SLC25A28: variants seen among roughly 807,000 people sequenced by gnomAD.
SLC25A28 encodes mitoferrin-2.
SLC25A28 carries 10 observed loss-of-function variants against 31.9 expected under a neutral mutation model. The ratio of observed to expected loss-of-function variants is 0.31; its 90% CI spans 0.19 to 0.53. SLC25A28 has a LOEUF of 0.53. Ranked by LOEUF, SLC25A28 falls within the 20% of genes least tolerant of loss-of-function variation. SLC25A28 has a pLI of 0.95. For missense variants in SLC25A28, 256 were observed against 490.3 expected, an observed-to-expected ratio of 0.52 and a Z score of 4.51; for synonymous variants, 208 against 203.6, an observed-to-expected ratio of 1.02 and a Z score of -0.19.
At chr10:99,615,884 T>C in intron 1 of SLC25A28, 2 of 985,456 alleles carry the variant, frequency 2.0e-6, no homozygotes, top group Non-Finnish European at 2.4e-6. Flanking sequence ...GGCTACCAAT[T>C]CTGAACGGTT....
At chr10:99,655,827 G>T in the SLC25A28 span, among the ~76,000 whole-genome samples, 1 of 152,160 alleles carries the variant, frequency 6.6e-6, no homozygotes, top group African/African-American at 2.4e-5. Context: ...TGGGACTGAG[G>T]TTGGAGCCTA....
the SLC25A28 span, among the ~76,000 whole-genome samples, chr10:99,646,658 A>T: frequency 6.6e-6 from 1 of 152,164 alleles, no homozygotes; most frequent in East Asian, 1.9e-4. Context: ...GCTGTAGACT[A>T]GAGCTGTTCC....
chr10:99,630,219 C>T, the SLC25A28 span, among the ~76,000 whole-genome samples: 8 of 152,258 alleles, frequency 5.3e-5, no homozygotes, highest in Non-Finnish European at 7.4e-5. Flanking sequence ...AACTCTGCCT[C>T]CTGGGTTCAA....
chr10:99,632,313 T>C, the SLC25A28 span, among the ~76,000 whole-genome samples: 2 of 152,204 alleles, frequency 1.3e-5, no homozygotes, highest in African/African-American at 4.8e-5. Context: ...TGTAGGTTAT[T>C]TGCAAATACT....
chr10:99,615,283 G>A (rs1378699060), intron 1 of SLC25A28, among the ~76,000 whole-genome samples: 2 of 151,704 alleles, frequency 1.3e-5, no homozygotes, highest in East Asian at 1.9e-4. Flanking sequence ...CCTGTGAGGC[G>A]GAGGTTGTAG....
chr10:99,636,195 T>G, the SLC25A28 span, among the ~76,000 whole-genome samples: 25 of 152,328 alleles, frequency 1.6e-4, no homozygotes, highest in African/African-American at 6.0e-4. Context: ...CACATGGAAC[T>G]TTCTGTAAGA....
At chr10:99,615,960 C>T in intron 1 of SLC25A28, 1 of 985,392 alleles carries the variant, frequency 1.0e-6, no homozygotes, top group Non-Finnish European at 1.2e-6. Flanking sequence ...CTACTTTGAA[C>T]ATTCTATATA....
chr10:99,644,589 C>A, the SLC25A28 span, among the ~76,000 whole-genome samples: 1 of 152,150 alleles, frequency 6.6e-6, no homozygotes, highest in Non-Finnish European at 1.5e-5. Flanking sequence ...GAATTTGATC[C>A]TGTCATTATG....
At chr10:99,617,199 T>C (rs971540880) in intron 1 of SLC25A28, 1 of 985,332 alleles carries the variant, frequency 1.0e-6, no homozygotes, top group African/African-American at 1.7e-5. Context: ...TCCCCATAGA[T>C]AAAGTCTGGC....
At chr10:99,617,152 T>A in intron 1 of SLC25A28, 5 of 985,386 alleles carry the variant, frequency 5.1e-6, no homozygotes, top group Non-Finnish European at 6.0e-6. Flanking sequence ...GCCAGAGGAT[T>A]TTGAGAAGGG....
the SLC25A28 span, among the ~76,000 whole-genome samples, chr10:99,641,344 G>T: frequency 6.6e-6 from 1 of 152,142 alleles, no homozygotes; most frequent in Admixed American, 6.5e-5. Flanking sequence ...TCATGTGTCT[G>T]TTGGCTGCAT....
intron 1 of SLC25A28, chr10:99,617,493 G>A: frequency 1.1e-6 from 1 of 916,478 alleles, no homozygotes; most frequent in Admixed American, 1.2e-4. Context: ...TTAAAGACTG[G>A]GCTGCTTTTC....
chr10:99,627,922 C>T, the SLC25A28 span, among the ~76,000 whole-genome samples: 3 of 152,158 alleles, frequency 2.0e-5, no homozygotes, highest in African/African-American at 7.2e-5. Context: ...TCCTTCTACT[C>T]TCTATGTCCA....
At chr10:99,615,822 TA>T in intron 1 of SLC25A28, 6 of 985,384 alleles carry the variant, frequency 6.1e-6, no homozygotes, top group Non-Finnish European at 7.2e-6. Flanking sequence ...TGATCTTGTA[TA>T]AGGGGAATGT....
At chr10:99,634,142 G>C in the SLC25A28 span, among the ~76,000 whole-genome samples, 1 of 152,176 alleles carries the variant, frequency 6.6e-6, no homozygotes, top group African/African-American at 2.4e-5. Flanking sequence ...AAAAGAATTT[G>C]AACAACAGCC....
chr10:99,657,137 A>G, the SLC25A28 span, among the ~76,000 whole-genome samples: 1 of 152,216 alleles, frequency 6.6e-6, no homozygotes, highest in South Asian at 2.1e-4. Flanking sequence ...TTGAATTATA[A>G]GTTAATATAG....
the SLC25A28 span, among the ~76,000 whole-genome samples, chr10:99,632,893 T>C: frequency 6.6e-6 from 1 of 152,208 alleles, no homozygotes; most frequent in Non-Finnish European, 1.5e-5. Flanking sequence ...GTAGACCAAA[T>C]TCTTAAGTGA....
chr10:99,650,405 C>A, the SLC25A28 span, among the ~76,000 whole-genome samples: 1 of 152,174 alleles, frequency 6.6e-6, no homozygotes, highest in Non-Finnish European at 1.5e-5. Context: ...GTTTTGAACT[C>A]TCACAGGGCA....
the SLC25A28 span, among the ~76,000 whole-genome samples, chr10:99,658,860 A>T: frequency 4.2e-4 from 64 of 152,300 alleles, 1 homozygote; most frequent in East Asian, 0.012. Flanking sequence ...TGTTACTGTA[A>T]GGTCAAGGAG....
Sources: gnomAD v4.1 joint callset for allele counts (sites outside exome capture counted in the v4.1 genomes callset) on GRCh38, gnomAD v4.1.1 for gene constraint, MANE v1.5 for transcripts, NCBI Gene and HGNC (gene_info 2026-07-23, HGNC 2026-07-21) for gene names.